HID1: variants seen among roughly 807,000 people sequenced by gnomAD.
HID1 encodes the protein HID1 domain containing.
A neutral mutation model predicts 89.7 loss-of-function variants in HID1; 42 were observed. The observed-to-expected ratio is 0.47, with a 90% confidence interval of 0.37 to 0.61. The LOEUF (loss-of-function observed/expected upper bound fraction) is 0.61. HID1 is among the 20% of genes least tolerant of loss of function. The pLI is 0.00. For synonymous variants in HID1, 442 were observed against 433.8 expected (o/e 1.02, Z -0.24); for missense variants, 854 against 1,039.3 (o/e 0.82, Z 2.45).
At chr17:74,967,801 C>T (rs970309258) in intron 1 of HID1, 3 of 151,996 alleles carry the variant, frequency 2.0e-5, no homozygotes, top group Non-Finnish European at 4.4e-5. Context: ...GAACCAGGAT[C>T]GTACCATGGC....
In HID1 at chr17:74,972,670, G is replaced by C. The variant is rs919439460; in HGVS notation, c.-14C>G. The C allele has an allele frequency of 4.6e-6, 7 of 1,536,084 alleles. No homozygotes were observed. Among genetic ancestry groups the C allele is most frequent in the South Asian group, 1.2e-5 (1 of 82,190 alleles). On this transcript the variant is annotated 5_prime_UTR_variant, in exon 1 of 19. Coordinates refer to ENST00000425042, the MANE Select transcript of HID1 (RefSeq NM_030630.3). The surrounding 1 kb of genome is among the most constrained non-coding windows in gnomAD (Gnocchi z 6.4). The stretch of plus-strand genomic sequence containing the variant: ...GGTCGACCCCATGTCTCTGGAGCCC[G>C]CTCCGGCCCGGCCCCCGCCCAGACT...
chr17:74,952,196 T>C, intron 17 of HID1, 73 bp downstream of exon 17: 1 of 1,528,894 alleles, frequency 6.5e-7, no homozygotes, highest in Non-Finnish European at 9.0e-7. Flanking sequence ...AGAGCCCACC[T>C]GCCCACACCA....
chr17:74,958,746 C>G lies in HID1; in HGVS notation c.1167G>C (p.Val389=). Residue 389 remains valine (V), a synonymous_variant, in exon 10 of 19, where the codon GTG becomes GTC. Transcript: ENST00000425042. This position sits in a 1 kb window ranked among gnomAD's most constrained non-coding sequence, Gnocchi z 5.2. ...CDFNKKFLFF[V]LKSSDVLDIL... is the part of the protein sequence containing the mutation. ...TGTCTAGGACGTCGCTGCTCTTCAG[C>G]ACGAAGAAGAGGAATTTCTAGGGGT... 6.2e-7 allele frequency: 1 copy of G among 1,613,046 alleles called. No homozygotes were observed. The highest frequency in any genetic ancestry group is 1.1e-5 in the South Asian group (1 of 91,034).
At chr17:74,969,152 T>C (rs538494631) in intron 1 of HID1, among the ~76,000 whole-genome samples, 71 of 51,226 alleles carry the variant, frequency 1.4e-3, no homozygotes, top group African/African-American at 5.0e-3. Flanking sequence ...ATGACCCCAG[T>C]TGGCCTCCAC....
intron 13 of HID1, chr17:74,954,597 G>T: frequency 2.9e-6 from 2 of 680,320 alleles, no homozygotes; most frequent in Non-Finnish European, 4.8e-6. Flanking sequence ...CAACACCCCC[G>T]CCCCAGTGCC....
intron 12 of HID1, among the ~76,000 whole-genome samples, chr17:74,957,698 G>C (rs890498309): frequency 1.3e-5 from 2 of 151,030 alleles, no homozygotes; most frequent in African/African-American, 4.9e-5. Flanking sequence ...TCAGGAGTTC[G>C]AGACCAGCCT....
chr17:74,951,385 G>C lies in HID1; in HGVS notation c.*185C>G. On this transcript the variant is annotated 3_prime_UTR_variant, in exon 19 of 19. Transcript: ENST00000425042. ...CTCCTGTGAGTCCAGCCTAGGGGTT[G>C]AGGGGGATCTGAGCCAGTTCACATT... 1 of 620,188 alleles carries C rather than the reference G, an allele frequency of 1.6e-6. No homozygotes were observed. 38.4% of individuals were successfully genotyped at this position (620,188 alleles called of 1,614,324 possible).
chr17:74,962,047 C>T lies in HID1; in HGVS notation c.612-58G>A. The T allele has an allele frequency of 9.8e-6, 13 of 1,331,188 alleles. No individual in the cohort carries two copies. Among genetic ancestry groups the T allele is most frequent in the Non-Finnish European group, 1.3e-5 (13 of 979,872 alleles). 82.5% of individuals were successfully genotyped at this position (1,331,188 alleles called of 1,614,324 possible). The stretch of plus-strand genomic sequence containing the variant: ...TCCCAGTCCCCTCTTGGAGGTTCTG[C>T]CCACCCAGCCCAGCGCCCCAGCCCA... On this transcript the variant is annotated intron_variant, in intron 5 of 18. Coordinates refer to ENST00000425042, the MANE Select transcript of HID1 (RefSeq NM_030630.3). This position sits in a 1 kb window ranked among gnomAD's most constrained non-coding sequence, Gnocchi z 4.3.
chr17:74,957,862 T>G (rs1312462174), intron 12 of HID1: 17 of 415,280 alleles, frequency 4.1e-5, no homozygotes, highest in Admixed American at 1.5e-4. Flanking sequence ...ATGGTGCCAC[T>G]GCACTCCAGC....
intron 1 of HID1, among the ~76,000 whole-genome samples, chr17:74,966,831 A>G (rs2039570649): frequency 6.6e-6 from 1 of 151,824 alleles, no homozygotes; most frequent in African/African-American, 2.4e-5. Flanking sequence ...GGCCTGCCCA[A>G]CCTCTAAGGA....
At chr17:74,951,719 G>C in intron 18 of HID1, 86 bp from the exon 19 acceptor site, 1 of 1,455,040 alleles carries the variant, frequency 6.9e-7, no homozygotes, top group Non-Finnish European at 9.5e-7. Context: ...GAATGGCCAA[G>C]CCAACCCTTT....
chr17:74,959,758 A>T lies in HID1; in HGVS notation c.1008+123T>A. The T allele has an allele frequency of 9.9e-7, 1 of 1,012,964 alleles. No individual in the cohort carries two copies. The highest frequency in any genetic ancestry group is 1.5e-6 in the Non-Finnish European group (1 of 658,342). 62.7% of individuals were successfully genotyped at this position (1,012,964 alleles called of 1,614,324 possible). A position where few individuals can be genotyped will look rare whatever the true frequency, so the allele number is the denominator to read the frequency against. The stretch of plus-strand genomic sequence containing the variant: ...ACCCTCACAGTCCTGCCACTATTTC[A>T]CCTAGGGTGGCCCCAGCCCACAGAG... On this transcript the variant is annotated intron_variant, in intron 8 of 18. Transcript: ENST00000425042. The surrounding 1 kb of genome is among the most constrained non-coding windows in gnomAD (Gnocchi z 4.6).
intron 6 of HID1, among the ~76,000 whole-genome samples, chr17:74,960,921 C>T (rs1473063485): frequency 6.6e-6 from 1 of 152,230 alleles, no homozygotes; most frequent in East Asian, 1.9e-4. Flanking sequence ...AACTCTGCCA[C>T]GTGGCACGTG....
Position 74,972,272 on chromosome 17 carries a change from G to T in HID1, c.66+319C>A, listed in dbSNP as rs2039660257. Among the ~76,000 whole-genome samples the T allele has an allele frequency of 1.3e-5, 2 of 151,544 alleles. No individual in the cohort carries two copies. The highest frequency in any genetic ancestry group is 4.2e-4 in the South Asian group (2 of 4,794). On this transcript the variant is annotated intron_variant, in intron 1 of 18. Transcript: ENST00000425042. This position sits in a 1 kb window ranked among gnomAD's most constrained non-coding sequence, Gnocchi z 6.4. ...GGCGGGAGGCTGGAGATGCGAAGCTGGGGACGCCGCGGGGCGGGACAGGGG... is the reference window on the plus strand; with the variant it reads ...GGCGGGAGGCTGGAGATGCGAAGCTTGGGACGCCGCGGGGCGGGACAGGGG...
At position 74,962,046 on chromosome 17, in the gene HID1, G is replaced by A. The variant is rs924449070; in HGVS notation, c.612-57C>T. On this transcript the variant is annotated intron_variant, in intron 5 of 18. Coordinates refer to ENST00000425042, the MANE Select transcript of HID1 (RefSeq NM_030630.3). This position sits in a 1 kb window ranked among gnomAD's most constrained non-coding sequence, Gnocchi z 4.3. ...ATCCCAGTCCCCTCTTGGAGGTTCT[G>A]CCCACCCAGCCCAGCGCCCCAGCCC... 136 of 1,328,826 alleles carry A rather than the reference G, an allele frequency of 1.0e-4. No homozygotes were observed. The highest frequency in any genetic ancestry group is 3.6e-5 in the Non-Finnish European group (35 of 977,920). 82.3% of individuals were successfully genotyped at this position (1,328,826 alleles called of 1,614,324 possible). A position where few individuals can be genotyped will look rare whatever the true frequency, so the allele number is the denominator to read the frequency against.
chr17:74,960,883 C>T (rs137913041), intron 6 of HID1, among the ~76,000 whole-genome samples: 78 of 152,374 alleles, frequency 5.1e-4, no homozygotes, highest in African/African-American at 1.8e-3. Context: ...AACACAGCTC[C>T]CAGTGGGAGC....
In HID1 at chr17:74,959,779, C is replaced by A; in HGVS notation, c.1008+102G>T. The A allele has an allele frequency of 1.5e-6, 2 of 1,291,390 alleles. No individual in the cohort carries two copies. Among genetic ancestry groups the A allele is most frequent in the South Asian group, 1.3e-5 (1 of 79,196 alleles). 80.0% of individuals were successfully genotyped at this position (1,291,390 alleles called of 1,614,324 possible). A position where few individuals can be genotyped will look rare whatever the true frequency, so the allele number is the denominator to read the frequency against. ...TTTCACCTAGGGTGGCCCCAGCCCA[C>A]AGAGAGCATGGTTCCTTCATGGAGG... On this transcript the variant is annotated intron_variant, in intron 8 of 18. Coordinates refer to ENST00000425042, the MANE Select transcript of HID1 (RefSeq NM_030630.3). The surrounding 1 kb of genome is among the most constrained non-coding windows in gnomAD (Gnocchi z 4.6).
chr17:74,954,260 C>A lies in HID1; in HGVS notation c.1742G>T (p.Arg581Leu). 6.3e-7 allele frequency: 1 copy of A among 1,587,936 alleles called. No homozygotes were observed. Residue 581 changes from arginine (R) to leucine (L), a missense_variant, in exon 14 of 19, where the codon CGC becomes CTC. Coordinates refer to ENST00000425042, the MANE Select transcript of HID1 (RefSeq NM_030630.3). ...AGACAAGGGCTCAGGTGTCCGCCGG[C>A]GCCGCTGCAGGGCCTTGTGAATGGT... is the stretch of plus-strand genomic sequence containing the variant. ...PPTIHKALQR[R>L]RRTPEPLSRT...
rs762805281 is a variant in HID1, at chr17:74,951,533, G to A, written c.*37C>T. 1.6e-5 allele frequency: 26 copies of A among 1,588,306 alleles called. No homozygotes were observed. The highest frequency in any genetic ancestry group is 8.6e-7 in the Non-Finnish European group (1 of 1,163,802). On this transcript the variant is annotated 3_prime_UTR_variant, in exon 19 of 19. Transcript: ENST00000425042. ...GGGAAGCCTCAGGGACCAAGGCCCT[G>A]CCTTCCCCTAGACTGAGCCCCTCGT...
Sources: gnomAD v4.1 joint callset for allele counts (sites outside exome capture counted in the v4.1 genomes callset) on GRCh38, gnomAD v4.1.1 for gene constraint, Gnocchi (gnomAD v3.1) non-coding constraint, MANE v1.5 for transcripts, NCBI Gene and HGNC (gene_info 2026-07-23, HGNC 2026-07-21) for gene names.